The following RNF41 variants were observed in gnomAD, a reference collection of about 807,000 sequenced individuals.
RNF41 encodes ring finger protein 41, also known as E3 ubiquitin-protein ligase NRDP1.
In RNF41, 4 loss-of-function variants were observed where a neutral mutation model predicts 33.0. The ratio of observed to expected loss-of-function variants is 0.12; its 90% CI spans 0.06 to 0.28. The LOEUF is 0.28. RNF41 is among the 10% of genes least tolerant of loss of function. The probability of loss-of-function intolerance (pLI) is 1.00; values close to 1 mark genes in which losing one functional copy is unlikely to be tolerated. For synonymous variants in RNF41, 164 were observed against 153.2 expected (o/e 1.07, Z -0.52); for missense variants, 228 against 432.6 (o/e 0.53, Z 4.19).
chr12:56,207,041 T>C (rs1592348266), intron 6 of RNF41: 1 of 1,265,722 alleles, frequency 7.9e-7, no homozygotes, highest in Non-Finnish European at 1.0e-6. Context: ...TTCTTTGAAA[T>C]TCCAATACTT....
Position 56,208,300 on chromosome 12 carries a change from T to C in RNF41, c.363-2A>G. 1 of 1,614,078 alleles carries C rather than the reference T, an allele frequency of 6.2e-7. No homozygotes were observed. Among genetic ancestry groups the C allele is most frequent in the Non-Finnish European group, 8.5e-7 (1 of 1,180,012 alleles). ...AGCTCATCTTTGGGCATCTCCAGGC[T>C]GCAGACCAGGGTGGGGAAAGAGCAG... On this transcript the variant is annotated splice_acceptor_variant, in intron 4 of 6. Transcript: ENST00000345093. LOFTEE classifies it high-confidence loss of function.
Position 56,206,145 on chromosome 12 carries a change from T to C in RNF41, c.*302A>G, listed in dbSNP as rs892336230. The C allele has an allele frequency of 1.8e-5, 6 of 334,296 alleles. No homozygotes were observed. Among genetic ancestry groups the C allele is most frequent in the Non-Finnish European group, 3.3e-5 (6 of 181,580 alleles). The allele number at this position is 334,296 out of a possible 1,614,324, so 20.7% of individuals were successfully genotyped here. Reference sequence around the variant, plus strand: ...CAGGGAAATTGAATCTCTTTGTGCTTTCTGAAAATAACTGGAACCAGGGAC... The same window carrying C: ...CAGGGAAATTGAATCTCTTTGTGCTCTCTGAAAATAACTGGAACCAGGGAC... On this transcript the variant is annotated 3_prime_UTR_variant, in exon 7 of 7. Coordinates refer to ENST00000345093, the MANE Select transcript of RNF41 (RefSeq NM_005785.4). The surrounding 1 kb of genome is among the most constrained non-coding windows in gnomAD (Gnocchi z 5.7).
chr12:56,213,245 G>A, intron 3 of RNF41: 1 of 721,528 alleles, frequency 1.4e-6, no homozygotes, highest in South Asian at 1.9e-5. Flanking sequence ...CTGTCACCCA[G>A]GCTGGAGTGC....
At chr12:56,217,009 A>G (rs952091526) in intron 1 of RNF41, among the ~76,000 whole-genome samples, 60 of 151,950 alleles carry the variant, frequency 3.9e-4, no homozygotes, top group Admixed American at 1.4e-3. Flanking sequence ...GCGAGGTGGC[A>G]GGCGCCTGTA....
At chr12:56,208,020 C>CT in intron 5 of RNF41, 143 bp downstream of exon 5, 3 of 1,018,838 alleles carry the variant, frequency 2.9e-6, no homozygotes, top group Non-Finnish European at 4.4e-6. Flanking sequence ...TGATTCCCTG[C>CT]TAAGCCACAG....
intron 4 of RNF41, chr12:56,208,529 T>C: frequency 2.7e-6 from 1 of 376,240 alleles, no homozygotes; most frequent in Non-Finnish European, 4.7e-6. Context: ...CAAGACACAG[T>C]GTTTTATCTA....
chr12:56,215,422 T>C (rs1274143978), intron 2 of RNF41, among the ~76,000 whole-genome samples: 1 of 151,594 alleles, frequency 6.6e-6, no homozygotes, highest in Non-Finnish European at 1.5e-5. Flanking sequence ...GTGATGGGGA[T>C]AAAGAAGAGA....
In RNF41 at chr12:56,206,597, G is replaced by A. The variant is rs1481211350; in HGVS notation, c.804C>T (p.Asn268=). ...GLATLETRQM[N]RRYYENYVAK... is the part of the protein sequence containing the mutation. ...CCACGTAGTTCTCATAGTAGCGTCGGTTCATCTGTCTAGTCTCTAGTGTGG... is the reference window on the plus strand; with the variant it reads ...CCACGTAGTTCTCATAGTAGCGTCGATTCATCTGTCTAGTCTCTAGTGTGG... The change falls in exon 7 of 7, where the codon AAC becomes AAT. Residue 268 remains asparagine (N), a synonymous_variant. Transcript: ENST00000345093. This position sits in a 1 kb window ranked among gnomAD's most constrained non-coding sequence, Gnocchi z 5.7. 6.2e-7 allele frequency: 1 copy of A among 1,614,040 alleles called. No homozygotes were observed. The highest frequency in any genetic ancestry group is 8.5e-7 in the Non-Finnish European group (1 of 1,180,044).
chr12:56,202,646 G>A lies in RNF41; in HGVS notation c.*3801C>T, dbSNP rs1878640008. The A allele has an allele frequency of 6.6e-6, 1 of 152,096 alleles. No individual in the cohort carries two copies. Among genetic ancestry groups the A allele is most frequent in the Non-Finnish European group, 1.5e-5 (1 of 68,022 alleles). The allele number at this position is 152,096 out of a possible 1,614,324, so 9.4% of individuals were successfully genotyped here. A position where few individuals can be genotyped will look rare whatever the true frequency, so the allele number is the denominator to read the frequency against. On this transcript the variant is annotated 3_prime_UTR_variant, in exon 7 of 7. Coordinates refer to ENST00000345093, the MANE Select transcript of RNF41 (RefSeq NM_005785.4). Reference sequence around the variant, plus strand: ...CTTTCCTGATACCCATCAGAATCAGGAGCTTTATCGTCCTTGGCTCACATA... The same window carrying A: ...CTTTCCTGATACCCATCAGAATCAGAAGCTTTATCGTCCTTGGCTCACATA...
chr12:56,216,398 T>G (rs1264350834), intron 2 of RNF41, 31 bp downstream of exon 2: 1 of 152,226 alleles, frequency 6.6e-6, no homozygotes, highest in Non-Finnish European at 1.5e-5. Context: ...GGTTGAGGCC[T>G]GGAATGGGAT....
chr12:56,207,630 C>T lies in RNF41; in HGVS notation c.602+16G>A. 1 of 1,570,494 alleles carries T rather than the reference C, an allele frequency of 6.4e-7. No homozygotes were observed. Among genetic ancestry groups the T allele is most frequent in the Non-Finnish European group, 8.8e-7 (1 of 1,140,216 alleles). ...GTCAGGACATGAAATCACTCCACGT[C>T]CTGAGTGACACTCACTCTAGGATCT... On this transcript the variant is annotated intron_variant, in intron 6 of 6. Coordinates refer to ENST00000345093, the MANE Select transcript of RNF41 (RefSeq NM_005785.4).
chr12:56,215,310 G>C (rs1488976203), intron 2 of RNF41, among the ~76,000 whole-genome samples: 1 of 152,168 alleles, frequency 6.6e-6, no homozygotes, highest in African/African-American at 2.4e-5. Flanking sequence ...TGTGATAATA[G>C]TTCCATTTTA....
At chr12:56,207,287 C>T in intron 6 of RNF41, 1 of 1,341,990 alleles carries the variant, frequency 7.5e-7, no homozygotes, top group Non-Finnish European at 9.8e-7. Context: ...CACTCTGCCT[C>T]CTCTTCTCTG....
rs201418198 is a variant in RNF41 at position 56,217,547 on chromosome 12, C to CA, written c.-208-935dup. On this transcript the variant is annotated intron_variant, in intron 1 of 6. Coordinates refer to ENST00000345093, the MANE Select transcript of RNF41 (RefSeq NM_005785.4). Reference sequence around the variant, plus strand: ...TAGGCGACAGAGCAAGACTCTGACTCAAAAAAAAAGCAAAATGCATAGATC... The same window carrying CA: ...TAGGCGACAGAGCAAGACTCTGACTCAAAAAAAAAAGCAAAATGCATAGATC... 9.7e-4 allele frequency among the ~76,000 whole-genome samples: 145 copies of CA among 148,788 alleles called. No individual in the cohort carries two copies. In the East Asian group the frequency reaches 0.014, roughly 15 times the overall value.
chr12:56,209,354 C>T (rs529879922), intron 4 of RNF41, among the ~76,000 whole-genome samples: 8 of 152,068 alleles, frequency 5.3e-5, no homozygotes, highest in South Asian at 2.1e-4. Flanking sequence ...TGCAATGGCG[C>T]GATCTCAGCT....
intron 1 of RNF41, among the ~76,000 whole-genome samples, chr12:56,217,927 T>C (rs1488463147): frequency 6.6e-6 from 1 of 152,130 alleles, no homozygotes; most frequent in African/African-American, 2.4e-5. Flanking sequence ...GGATGCTGCT[T>C]TAATGTTTCC....
At chr12:56,216,192 A>G (rs1438465614) in intron 2 of RNF41, among the ~76,000 whole-genome samples, 1 of 152,188 alleles carries the variant, frequency 6.6e-6, no homozygotes, top group Admixed American at 6.5e-5. Context: ...CAATGAGTAC[A>G]TAGGAAAAAA....
intron 4 of RNF41, among the ~76,000 whole-genome samples, chr12:56,209,829 C>T (rs1868362021): frequency 6.6e-6 from 1 of 152,206 alleles, no homozygotes; most frequent in South Asian, 2.1e-4. Flanking sequence ...GTCTTGAACT[C>T]CTGGCCTGAA....
At chr12:56,209,520 C>G (rs1370000451) in intron 4 of RNF41, among the ~76,000 whole-genome samples, 2 of 150,558 alleles carry the variant, frequency 1.3e-5, no homozygotes. Context: ...TGCAGTGGCT[C>G]AATCTCTGCT....
Sources: gnomAD v4.1 joint callset for allele counts (sites outside exome capture counted in the v4.1 genomes callset) on GRCh38, gnomAD v4.1.1 for gene constraint, Gnocchi (gnomAD v3.1) non-coding constraint, MANE v1.5 for transcripts, NCBI Gene and HGNC (gene_info 2026-07-23, HGNC 2026-07-21) for gene names.